Variants in PCLO observed in about 807,000 individuals in gnomAD.
The protein encoded by PCLO is protein piccolo.
In PCLO, 82 loss-of-function variants were observed where a neutral mutation model predicts 427.5. That is an observed-to-expected ratio of 0.19 (90% CI 0.16 to 0.23). The LOEUF is 0.23. Ranked by LOEUF, PCLO falls within the 10% of genes least tolerant of loss-of-function variation. The pLI is 1.00. For synonymous variants in PCLO, 2,357 were observed against 2,155.4 expected (o/e 1.09, Z -2.59); for missense variants, 6,239 against 6,115.9 (o/e 1.02, Z -0.67).
Position 82,915,737 on chromosome 7 carries a change from A to T in PCLO, c.12249T>A (p.Thr4083=). ...TCACTTCTTGAGACCGGCGTGTCTC[A>T]GTGGTTCGAAGGAGACGGTCTGTTT... is the stretch of plus-strand genomic sequence containing the variant. ...LSKTDRLLRT[T]ETRRSQEVTD... is the part of the protein sequence containing the mutation. Residue 4083 remains threonine, a synonymous_variant, in exon 7 of 25, where the codon ACT becomes ACA. Transcript: ENST00000333891. 3.1e-6 allele frequency: 5 copies of T among 1,612,170 alleles called. No homozygotes were observed. Among genetic ancestry groups the T allele is most frequent in the Non-Finnish European group, 4.2e-6 (5 of 1,179,018 alleles).
intron 7 of PCLO, 108 bp downstream of exon 7, chr7:82,914,578 G>T (rs1794397652): frequency 1.9e-6 from 2 of 1,073,418 alleles, no homozygotes; most frequent in Admixed American, 2.0e-5. Context: ...ACATGCAAAA[G>T]ACACACCAAG....
In PCLO at chr7:82,934,956, T is replaced by A. The variant is rs558802750; in HGVS notation, c.11112+14520A>T. On this transcript the variant is annotated intron_variant, in intron 6 of 24. Coordinates refer to ENST00000333891, the MANE Select transcript of PCLO (RefSeq NM_033026.6). Reference sequence around the variant, plus strand: ...CTCTAATAGTATCACTCAAAGTTCCTTTTGATTAGAAAGTCTGTAATATTT... The same window carrying A: ...CTCTAATAGTATCACTCAAAGTTCCATTTGATTAGAAAGTCTGTAATATTT... Among the ~76,000 whole-genome samples the A allele has an allele frequency of 2.0e-5, 3 of 151,524 alleles. No individual in the cohort carries two copies. The East Asian group carries it at 5.8e-4, about 29-fold the overall frequency.
rs374602829 is a variant in PCLO at position 82,760,749 on chromosome 7, T to C, written c.15178A>G (p.Thr5060Ala). The C allele has an allele frequency of 7.2e-5, 110 of 1,520,384 alleles. No individual in the cohort carries two copies. Among genetic ancestry groups the C allele is most frequent in the Non-Finnish European group, 9.7e-5 (107 of 1,100,002 alleles). 94.2% of individuals were successfully genotyped at this position (1,520,384 alleles called of 1,614,324 possible). ...YVKIYVMNIS[T>A]QKKVIKKKTR... Reference sequence around the variant, plus strand: ...TTTTTCTTGATCACCTTTTTTTGGGTAGAAATATTCATCACATATATTTTC... The same window carrying C: ...TTTTTCTTGATCACCTTTTTTTGGGCAGAAATATTCATCACATATATTTTC... Residue 5060 changes from threonine to alanine, a missense_variant, in exon 24 of 25, where the codon ACC (threonine) becomes GCC (alanine). By Grantham distance (58) the Thr-to-Ala change is moderately conservative (BLOSUM62 0). Transcript: ENST00000333891.
At chr7:82,878,962 G>C (rs1793436527) in intron 10 of PCLO, among the ~76,000 whole-genome samples, 1 of 152,152 alleles carries the variant, frequency 6.6e-6, no homozygotes, top group Non-Finnish European at 1.5e-5. Flanking sequence ...CCCAACCTTA[G>C]TGTGTACTGG....
chr7:82,945,201 T>C (rs1487786017), intron 6 of PCLO, among the ~76,000 whole-genome samples: 2 of 152,130 alleles, frequency 1.3e-5, no homozygotes, highest in African/African-American at 2.4e-5. Flanking sequence ...AGCTAAACAA[T>C]TAAATTTGTA....
intron 2 of PCLO, among the ~76,000 whole-genome samples, chr7:83,137,733 A>G (rs1353978326): frequency 6.6e-6 from 1 of 152,160 alleles, no homozygotes; most frequent in African/African-American, 2.4e-5. Context: ...ACGCCCGGCC[A>G]TGGATATTCA....
intron 15 of PCLO, 111 bp from the exon 16 acceptor site, chr7:82,835,804 G>C: frequency 1.3e-6 from 1 of 794,678 alleles, no homozygotes; most frequent in South Asian, 1.6e-5. Flanking sequence ...ATAATAACTA[G>C]AGGAGCTATC....
chr7:82,772,295 A>AT (rs976397477), intron 22 of PCLO, among the ~76,000 whole-genome samples: 4 of 151,864 alleles, frequency 2.6e-5, no homozygotes, highest in African/African-American at 4.8e-5. Context: ...TATTTCGGAT[A>AT]TTTTTTTTCA....
chr7:82,889,245 G>C (rs968862541), intron 9 of PCLO, among the ~76,000 whole-genome samples: 45 of 152,228 alleles, frequency 3.0e-4, no homozygotes, highest in Middle Eastern at 3.4e-3. Flanking sequence ...ATAAGCTGCT[G>C]TTGATGTCAT....
chr7:82,955,507 C>T lies in PCLO; in HGVS notation c.5446G>A (p.Ala1816Thr). Residue 1816 changes from alanine to threonine, a missense_variant, in exon 5 of 25, where the codon GCT becomes ACT. Transcript: ENST00000333891. ...TTTGGCCTTTCCCTTCTTCTCTGAG[C>T]TCGAAGTTCATCTTTGTCTTTCTTT... ...KSKKDKDELR[A>T]QRRRERPKTP... 6.2e-7 allele frequency: 1 copy of T among 1,613,846 alleles called. No homozygotes were observed. Among genetic ancestry groups the T allele is most frequent in the Non-Finnish European group, 8.5e-7 (1 of 1,179,860 alleles).
At chr7:82,884,373 C>T (rs1025279758) in intron 9 of PCLO, among the ~76,000 whole-genome samples, 2 of 152,062 alleles carry the variant, frequency 1.3e-5, no homozygotes, top group Non-Finnish European at 2.9e-5. Context: ...GTGGAACACA[C>T]TTTTCAAATG....
Position 82,779,734 on chromosome 7 carries a change from C to T in PCLO, c.15008-18241G>A, listed in dbSNP as rs796114102. Among the ~76,000 whole-genome samples, 18 of 108,612 alleles carry T rather than the reference C, an allele frequency of 1.7e-4. No individual in the cohort carries two copies. The South Asian group carries it at 3.5e-3, about 21-fold the overall frequency. The allele number at this position is 108,612 out of a possible 152,430, so 71.3% of individuals were successfully genotyped here. Reference sequence around the variant, plus strand: ...TTATTTTTGCTCTATATTTTTTTTTCTTTCTTTCTTTCTTTTTTTTTTTTT... The same window carrying T: ...TTATTTTTGCTCTATATTTTTTTTTTTTTCTTTCTTTCTTTTTTTTTTTTT... On this transcript the variant is annotated intron_variant, in intron 22 of 24. Coordinates refer to ENST00000333891, the MANE Select transcript of PCLO (RefSeq NM_033026.6).
At chr7:82,763,231 C>T (rs973614184) in intron 22 of PCLO, among the ~76,000 whole-genome samples, 54 of 152,052 alleles carry the variant, frequency 3.6e-4, no homozygotes, top group African/African-American at 1.2e-3. Flanking sequence ...AAAGTGTCTA[C>T]TAGCATAGTT....
At chr7:82,910,624 A>G (rs17156828) in intron 7 of PCLO, among the ~76,000 whole-genome samples, 44,449 of 152,024 alleles carry the variant, frequency 0.29, 7,349 homozygotes, top group East Asian at 0.6. Context: ...AAATATTGGC[A>G]TGAATGAAGC....
intron 21 of PCLO, 114 bp downstream of exon 21, chr7:82,805,574 C>G (rs1463099041): frequency 3.1e-6 from 3 of 955,636 alleles, no homozygotes; most frequent in Non-Finnish European, 4.7e-6. Flanking sequence ...TCAAGTGTCT[C>G]AGGGACAATG....
intron 3 of PCLO, among the ~76,000 whole-genome samples, chr7:83,051,290 G>A (rs200166625): frequency 9.3e-6 from 1 of 107,464 alleles, no homozygotes; most frequent in Non-Finnish European, 2.1e-5. Flanking sequence ...ATGACATGAT[G>A]TTCTATACAT....
In PCLO at chr7:83,155,182, C is replaced by A; in HGVS notation, c.1459G>T (p.Ala487Ser). ...AKPPPQQPGP[A>S]KPPPQQPGSA... ...CCAGGCTGTTGAGGTGGGGGCTTTG[C>A]TGGGCCAGGCTGTTGAGGTGGGGGC... Residue 487 changes from alanine to serine, a missense_variant, in exon 2 of 25, where the codon GCA becomes TCA. Ala to Ser is a moderately conservative substitution (Grantham distance 99). Coordinates refer to ENST00000333891, the MANE Select transcript of PCLO (RefSeq NM_033026.6). 6.3e-7 allele frequency: 1 copy of A among 1,597,792 alleles called. No homozygotes were observed. Among genetic ancestry groups the A allele is most frequent in the Non-Finnish European group, 8.5e-7 (1 of 1,176,808 alleles).
chr7:83,096,314 T>C (rs2116462389), intron 3 of PCLO, among the ~76,000 whole-genome samples: 1 of 152,212 alleles, frequency 6.6e-6, no homozygotes, highest in African/African-American at 2.4e-5. Context: ...TTCACATTCT[T>C]TCCACATCTG....
At position 83,162,697 on chromosome 7, in the gene PCLO, T is replaced by C; in HGVS notation, c.-105A>G. The C allele has an allele frequency of 7.2e-7, 1 of 1,392,732 alleles. No homozygotes were observed. Among genetic ancestry groups the C allele is most frequent in the South Asian group, 1.5e-5 (1 of 66,996 alleles). 86.3% of individuals were successfully genotyped at this position (1,392,732 alleles called of 1,614,324 possible). A position where few individuals can be genotyped will look rare whatever the true frequency, so the allele number is the denominator to read the frequency against. On this transcript the variant is annotated 5_prime_UTR_variant, in exon 1 of 25. Coordinates refer to ENST00000333891, the MANE Select transcript of PCLO (RefSeq NM_033026.6). ...CAGAGCCGGGGTCCGCCTCGGGGCG[T>C]GCAGGCAGCCGAGTCCCTGGACTCT...
Sources: allele counts gnomAD v4.1 joint callset (sites outside exome capture counted in the v4.1 genomes callset), GRCh38; gene constraint gnomAD v4.1.1; transcripts MANE v1.5; gene names NCBI Gene and HGNC (gene_info 2026-07-23, HGNC 2026-07-21).